Variants in TMC1 observed in about 807,000 individuals in gnomAD.
TMC1 encodes transmembrane channel-like protein 1.
A neutral mutation model predicts 105.8 loss-of-function variants in TMC1; 84 were observed. The observed-to-expected ratio is 0.79, with a 90% CI of 0.67 to 0.95. The LOEUF is 0.95. Ranked by LOEUF, TMC1 falls within the 40% of genes least tolerant of loss-of-function variation. TMC1 has a pLI of 0.00. For missense variants in TMC1, 817 were observed against 914.1 expected, an observed-to-expected ratio of 0.89 and a Z score of 1.37; for synonymous variants, 315 against 311.5, an observed-to-expected ratio of 1.01 and a Z score of -0.12.
intron 5 of TMC1, among the ~76,000 whole-genome samples, chr9:72,678,496 T>G (rs951670121): frequency 2.0e-5 from 3 of 152,104 alleles, no homozygotes; most frequent in Admixed American, 2.0e-4. Context: ...AGTTAATGTT[T>G]GTGAGCCTCA....
intron 3 of TMC1, among the ~76,000 whole-genome samples, chr9:72,623,013 C>T (rs1367452840): frequency 6.7e-6 from 1 of 149,542 alleles, no homozygotes; most frequent in African/African-American, 2.5e-5. Flanking sequence ...GATTGTGCCA[C>T]TGCACTCCAG....
intron 11 of TMC1, 95 bp from the exon 12 acceptor site, chr9:72,754,691 T>C: frequency 2.1e-6 from 2 of 955,010 alleles, no homozygotes; most frequent in Non-Finnish European, 3.3e-6. Flanking sequence ...ATAAAAATGT[T>C]TCAGAAGGGC....
At chr9:72,563,531 AGATAAGGG>A (rs1824093910) in intron 1 of TMC1, among the ~76,000 whole-genome samples, 1 of 151,764 alleles carries the variant, frequency 6.6e-6, no homozygotes, top group African/African-American at 2.4e-5. Context: ...GGAAGGCAGA[AGATAAGGG>A]GAAAGAAGGA....
intron 5 of TMC1, among the ~76,000 whole-genome samples, chr9:72,650,892 A>ATATATATATC (rs1825799282): frequency 7.2e-6 from 1 of 138,804 alleles, no homozygotes; most frequent in African/African-American, 2.7e-5. Flanking sequence ...AGATATATAG[A>ATATATATATC]TATATATATA....
At chr9:72,755,139 A>G (rs1827659286) in intron 12 of TMC1, among the ~76,000 whole-genome samples, 1 of 152,066 alleles carries the variant, frequency 6.6e-6, no homozygotes, top group South Asian at 2.1e-4. Context: ...AGAAAGAAAC[A>G]TGTCCCTTTA....
rs148726920 is a variant in TMC1 at position 72,824,426 on chromosome 9, G to A, written c.2004-2443G>A. On this transcript the variant is annotated intron_variant, in intron 20 of 23. Coordinates refer to ENST00000297784, the MANE Select transcript of TMC1 (RefSeq NM_138691.3). ...CAAGCTCTTGTCCAGCATCCAAGAA[G>A]AATGAGGTCACATGGATTATTGAAG... Among the ~76,000 whole-genome samples, 63 of 152,348 alleles carry A rather than the reference G, an allele frequency of 4.1e-4. No individual in the cohort carries two copies. The East Asian group carries it at 9.1e-3, about 22-fold the overall frequency.
chr9:72,813,665 A>C (rs1828738953), intron 18 of TMC1, among the ~76,000 whole-genome samples: 1 of 152,242 alleles, frequency 6.6e-6, no homozygotes, highest in South Asian at 2.1e-4. Context: ...GCTGTATTCC[A>C]ATAAAATTTA....
chr9:72,589,463 A>G (rs1824601612), intron 2 of TMC1, among the ~76,000 whole-genome samples: 1 of 152,224 alleles, frequency 6.6e-6, no homozygotes, highest in African/African-American at 2.4e-5. Context: ...TTAAATGTAT[A>G]TTTTTGTAAT....
intron 12 of TMC1, among the ~76,000 whole-genome samples, chr9:72,765,826 A>G (rs1283617883): frequency 1.3e-5 from 2 of 152,128 alleles, no homozygotes; most frequent in African/African-American, 2.4e-5. Context: ...TGAGATGTGT[A>G]ATGGCATTGG....
intron 2 of TMC1, among the ~76,000 whole-genome samples, chr9:72,593,783 A>G (rs1412063877): frequency 6.6e-6 from 1 of 152,076 alleles, no homozygotes; most frequent in East Asian, 1.9e-4. Flanking sequence ...TAGGCTTCTC[A>G]AAGACTGAAG....
intron 2 of TMC1, among the ~76,000 whole-genome samples, chr9:72,605,624 G>A (rs1824899248): frequency 7.0e-6 from 1 of 142,968 alleles, no homozygotes; most frequent in African/African-American, 2.7e-5. Flanking sequence ...CACCCAGGCT[G>A]GAGTGCAGTG....
At chr9:72,830,738 C>CTTTTTTTTTTTTTTTTTTT (rs71495342) in intron 23 of TMC1, 56 bp downstream of exon 23, 23 of 1,148,110 alleles carry the variant, frequency 2.0e-5, no homozygotes, top group East Asian at 5.3e-5. Flanking sequence ...CTTTTTCTTT[C>CTTTTTTTTTTTTTTTTTTT]TTTTTTTTTT....
chr9:72,799,509 A>G (rs1039240255), intron 17 of TMC1, among the ~76,000 whole-genome samples: 3 of 152,154 alleles, frequency 2.0e-5, no homozygotes, highest in Non-Finnish European at 4.4e-5. Context: ...ATGTATCATT[A>G]ATGATTGAGT....
chr9:72,686,463 T>C (rs185415267), intron 5 of TMC1, among the ~76,000 whole-genome samples: 2 of 152,316 alleles, frequency 1.3e-5, no homozygotes, highest in East Asian at 1.9e-4. Context: ...TTCTTTAGCA[T>C]TGCTTTAAGT....
At chr9:72,523,692 G>A (rs1196541457) in intron 1 of TMC1, among the ~76,000 whole-genome samples, 1 of 152,066 alleles carries the variant, frequency 6.6e-6, no homozygotes, top group African/African-American at 2.4e-5. Flanking sequence ...AGAGGTGCAG[G>A]AGGTGGAAGG....
intron 8 of TMC1, among the ~76,000 whole-genome samples, chr9:72,720,142 A>G (rs968245457): frequency 6.6e-6 from 1 of 152,142 alleles, no homozygotes; most frequent in African/African-American, 2.4e-5. Context: ...TTGACTTTAC[A>G]TATAAGGAAA....
chr9:72,582,141 G>GA (rs1824485860), intron 2 of TMC1, among the ~76,000 whole-genome samples: 1 of 152,116 alleles, frequency 6.6e-6, no homozygotes, highest in Non-Finnish European at 1.5e-5. Context: ...ACTTTTAGTG[G>GA]AGATGGGGTT....
chr9:72,792,353 G>C lies in TMC1; in HGVS notation c.1566+1G>C, dbSNP rs1387886173. The stretch of plus-strand genomic sequence containing the variant: ...TTGCTGGGAAACAATGGTGGGACAG[G>C]TAATGCCACCAACAGAAGTGTATGG... On this transcript the variant is annotated splice_donor_variant, in intron 17 of 23. Coordinates refer to ENST00000297784, the MANE Select transcript of TMC1 (RefSeq NM_138691.3). LOFTEE classifies it high-confidence loss of function. 1 of 1,614,042 alleles carries C rather than the reference G, an allele frequency of 6.2e-7. No homozygotes were observed.
chr9:72,790,637 G>A (rs1828251398), intron 15 of TMC1, among the ~76,000 whole-genome samples: 1 of 152,038 alleles, frequency 6.6e-6, no homozygotes, highest in African/African-American at 2.4e-5. Flanking sequence ...ACTATTCTTT[G>A]TAAGAACCTC....
Sources: allele counts gnomAD v4.1 joint callset (sites outside exome capture counted in the v4.1 genomes callset), GRCh38; gene constraint gnomAD v4.1.1; transcripts MANE v1.5; gene names NCBI Gene and HGNC (gene_info 2026-07-23, HGNC 2026-07-21).